The following PDZRN4 variants were observed in gnomAD, a reference collection of about 807,000 sequenced individuals.
PDZRN4 encodes PDZ domain-containing RING finger protein 4.
PDZRN4 carries 70 observed loss-of-function variants against 99.0 expected under a neutral mutation model. The ratio of observed to expected loss-of-function variants is 0.71; its 90% CI spans 0.58 to 0.86. The LOEUF (loss-of-function observed/expected upper bound fraction) is 0.86. Among genes scored for constraint, PDZRN4 ranks in the 40% least tolerant of loss-of-function variants. The probability of loss-of-function intolerance (pLI) is 0.00; values close to 1 mark genes in which losing one functional copy is unlikely to be tolerated. For missense variants in PDZRN4, 1,474 were observed against 1,331.2 expected (o/e 1.11, Z -1.67); for synonymous variants, 551 against 501.6 (o/e 1.10, Z -1.32).
At chr12:41,204,508 C>A (rs746304829) in intron 3 of PDZRN4, among the ~76,000 whole-genome samples, 2 of 151,928 alleles carry the variant, frequency 1.3e-5, no homozygotes, top group Non-Finnish European at 2.9e-5. Context: ...TAAAGAACTG[C>A]CCTAGACTGG....
intron 3 of PDZRN4, among the ~76,000 whole-genome samples, chr12:41,299,606 G>A (rs756164516): frequency 1.3e-5 from 2 of 151,734 alleles, no homozygotes; most frequent in Non-Finnish European, 2.9e-5. Flanking sequence ...TTATCTGCTC[G>A]TTCTTCTAGA....
At chr12:41,448,182 G>A (rs879495581) in intron 3 of PDZRN4, among the ~76,000 whole-genome samples, 1 of 152,088 alleles carries the variant, frequency 6.6e-6, no homozygotes, top group Non-Finnish European at 1.5e-5. Flanking sequence ...TGCCATGAAA[G>A]GTTCCTCGCA....
intron 3 of PDZRN4, among the ~76,000 whole-genome samples, chr12:41,276,403 C>A (rs1023366839): frequency 4.6e-5 from 7 of 151,988 alleles, no homozygotes; most frequent in Non-Finnish European, 8.8e-5. Flanking sequence ...AACGAGTAGA[C>A]CCTGGCCTCA....
intron 3 of PDZRN4, chr12:41,437,998 G>A: frequency 1.2e-6 from 2 of 1,614,102 alleles, no homozygotes; most frequent in Non-Finnish European, 1.7e-6. Context: ...ACAAACTGCT[G>A]TATGAAGTTT....
chr12:41,313,887 T>C (rs933138595), intron 3 of PDZRN4, among the ~76,000 whole-genome samples: 6 of 152,212 alleles, frequency 3.9e-5, no homozygotes, highest in Non-Finnish European at 8.8e-5. Flanking sequence ...TGGTCAATTT[T>C]GAAGAGAAAA....
chr12:41,386,360 G>A (rs1166246121), intron 3 of PDZRN4, among the ~76,000 whole-genome samples: 1 of 152,044 alleles, frequency 6.6e-6, no homozygotes, highest in Admixed American at 6.6e-5. Context: ...AATACGAAGA[G>A]AAGAAGTCAA....
At position 41,213,599 on chromosome 12, in the gene PDZRN4, C is replaced by CT. The variant is rs573314886; in HGVS notation, c.843+19412dup. ...TATCACTAGAGACAGAAACTAAAAACTATGGCTTCAGGCTGCTGAAAGCCT... is the reference window on the plus strand; with the variant it reads ...TATCACTAGAGACAGAAACTAAAAACTTATGGCTTCAGGCTGCTGAAAGCCT... On this transcript the variant is annotated intron_variant, in intron 3 of 9. Transcript: ENST00000402685. Among the ~76,000 whole-genome samples, 77 of 152,136 alleles carry CT rather than the reference C, an allele frequency of 5.1e-4. No homozygotes were observed. In the South Asian group the frequency reaches 0.016, roughly 31 times the overall value.
At chr12:41,198,049 G>A (rs1950789350) in intron 3 of PDZRN4, among the ~76,000 whole-genome samples, 2 of 151,036 alleles carry the variant, frequency 1.3e-5, no homozygotes, top group Non-Finnish European at 3.0e-5. Context: ...CAAGTAGCTG[G>A]GACTACAGGT....
At chr12:41,543,943 A>C (rs778490506) in intron 5 of PDZRN4, among the ~76,000 whole-genome samples, 2 of 152,354 alleles carry the variant, frequency 1.3e-5, no homozygotes, top group South Asian at 2.1e-4. Context: ...CACATGGACT[A>C]GAAAGAAAAA....
Position 41,388,771 on chromosome 12 carries a change from A to G in PDZRN4, c.844-117685A>G, listed in dbSNP as rs1189929090. 2.0e-5 allele frequency among the ~76,000 whole-genome samples: 3 copies of G among 152,202 alleles called. No homozygotes were observed. In the East Asian group the frequency reaches 5.8e-4, roughly 29 times the overall value. On this transcript the variant is annotated intron_variant, in intron 3 of 9. Coordinates refer to ENST00000402685, the MANE Select transcript of PDZRN4 (RefSeq NM_001164595.2). The stretch of plus-strand genomic sequence containing the variant: ...GTCTATAAAGTTTTTGATTAAAGCA[A>G]TTAAAAGGATGGAGCTTCCATTCAC...
chr12:41,318,101 T>C (rs1042856838), intron 3 of PDZRN4, among the ~76,000 whole-genome samples: 4 of 152,158 alleles, frequency 2.6e-5, no homozygotes, highest in African/African-American at 9.7e-5. Flanking sequence ...GAATATCCCA[T>C]TAAAAAACAA....
intron 3 of PDZRN4, among the ~76,000 whole-genome samples, chr12:41,334,151 C>T (rs207472874): frequency 6.6e-5 from 10 of 152,176 alleles, no homozygotes; most frequent in African/African-American, 2.2e-4. Context: ...TCTTCATTAG[C>T]ATTTGAATCT....
chr12:41,230,382 G>C (rs890711181), intron 3 of PDZRN4, among the ~76,000 whole-genome samples: 3 of 152,004 alleles, frequency 2.0e-5, no homozygotes, highest in Admixed American at 6.6e-5. Flanking sequence ...TAACTGTAAT[G>C]AATATTCATT....
rs763188057 is a variant in PDZRN4, at chr12:41,572,817, T to C, written c.2038T>C (p.Cys680Arg). 6.2e-7 allele frequency: 1 copy of C among 1,614,030 alleles called. No individual in the cohort carries two copies. The highest frequency in any genetic ancestry group is 2.2e-5 in the East Asian group (1 of 44,866). The change falls in exon 10 of 10, where the codon TGT becomes CGT. Residue 680 changes from cysteine to arginine, a missense_variant. Physicochemically the swap from Cys to Arg is radical, Grantham distance 180. Transcript: ENST00000402685. ...NEELRNIELECQNIMQAHRLQ... is the reference protein window; with the variant it reads ...NEELRNIELERQNIMQAHRLQ... The stretch of plus-strand genomic sequence containing the variant: ...AGAACTGAGAAACATTGAGCTTGAG[T>C]GTCAGAATATCATGCAGGCTCACAG...
At chr12:41,201,077 T>C (rs1296171609) in intron 3 of PDZRN4, among the ~76,000 whole-genome samples, 1 of 152,046 alleles carries the variant, frequency 6.6e-6, no homozygotes, top group Non-Finnish European at 1.5e-5. Flanking sequence ...TAGGGGCCTT[T>C]ATTGGCATTA....
At chr12:41,394,354 A>C (rs574666071) in intron 3 of PDZRN4, among the ~76,000 whole-genome samples, 15 of 152,308 alleles carry the variant, frequency 9.8e-5, no homozygotes, top group African/African-American at 3.6e-4. Context: ...TGCTATTCCA[A>C]GAGTGACAGC....
chr12:41,572,595 CT>C lies in PDZRN4; in HGVS notation c.1817del (p.Leu606ProfsTer68). 3 of 1,614,108 alleles carry C rather than the reference CT, an allele frequency of 1.9e-6. No individual in the cohort carries two copies. The highest frequency in any genetic ancestry group is 8.5e-7 in the Non-Finnish European group (1 of 1,179,976). Reference sequence around the variant, plus strand: ...TGTTGAACTTCAGTACAATGAGAGCCTCGTATCTGGTGAATACATTGACTCA... The same window carrying C: ...TGTTGAACTTCAGTACAATGAGAGCCCGTATCTGGTGAATACATTGACTCA... ...GSVELQYNESLVSGEYIDSDC... is the reference protein window; with the variant it reads ...GSVELQYNESXVSGEYIDSDC... On this transcript the variant is annotated frameshift_variant, in exon 10 of 10. Coordinates refer to ENST00000402685, the MANE Select transcript of PDZRN4 (RefSeq NM_001164595.2). LOFTEE classifies it high-confidence loss of function.
chr12:41,506,773 G>A, intron 4 of PDZRN4, 61 bp downstream of exon 4: 2 of 1,535,436 alleles, frequency 1.3e-6, no homozygotes, highest in African/African-American at 1.4e-5. Context: ...TAAAGCAGAT[G>A]TTGAAAAGAA....
chr12:41,533,536 A>C (rs1272791236), intron 5 of PDZRN4, among the ~76,000 whole-genome samples: 1 of 152,176 alleles, frequency 6.6e-6, no homozygotes, highest in African/African-American at 2.4e-5. Flanking sequence ...TTTGTCCAAA[A>C]GTATTTTTTA....
Sources: allele counts gnomAD v4.1 joint callset (sites outside exome capture counted in the v4.1 genomes callset), GRCh38; gene constraint gnomAD v4.1.1; transcripts MANE v1.5; gene names NCBI Gene and HGNC (gene_info 2026-07-23, HGNC 2026-07-21).